Variants in GEMIN2 observed in about 807,000 individuals in gnomAD.
The protein encoded by GEMIN2 is gem nuclear organelle associated protein 2, also known as gem-associated protein 2.
A neutral mutation model predicts 45.8 loss-of-function variants in GEMIN2; 37 were observed. The observed-to-expected ratio is 0.81, with a 90% confidence interval of 0.62 to 1.06. The LOEUF (loss-of-function observed/expected upper bound fraction) is 1.06, where lower values mean the gene tolerates loss of function less well. Among genes scored for constraint, GEMIN2 ranks in the 50% least tolerant of loss-of-function variants. GEMIN2 has a pLI of 0.00. For missense variants in GEMIN2, 335 were observed against 321.8 expected, an observed-to-expected ratio of 1.04 and a Z score of -0.31; for synonymous variants, 101 against 111.5, an observed-to-expected ratio of 0.91 and a Z score of 0.60.
Position 39,118,591 on chromosome 14 carries a change from G to A in GEMIN2, c.364G>A (p.Val122Met). ...GAAATCACAACAGTTGGATAGTAAT[G>A]TGACAATGGTATGTAAGTTTCTCAG... ...HWKSQQLDSN[V>M]TMPKSEDEEG... is the part of the protein sequence containing the mutation. The change falls in exon 4 of 10, where the codon GTG becomes ATG. Residue 122 changes from valine to methionine, a missense_variant. Transcript: ENST00000308317. The A allele has an allele frequency of 7.1e-7, 1 of 1,417,578 alleles. No homozygotes were observed. The highest frequency in any genetic ancestry group is 2.3e-5 in the East Asian group (1 of 43,942). The allele number at this position is 1,417,578 out of a possible 1,614,324, so 87.8% of individuals were successfully genotyped here.
Position 39,118,537 on chromosome 14 carries a change from TAG to T in GEMIN2, c.313-1_313del. On this transcript the variant is annotated splice_acceptor_variant, in intron 3 of 9. Coordinates refer to ENST00000308317, the MANE Select transcript of GEMIN2 (RefSeq NM_003616.3). LOFTEE classifies it high-confidence loss of function. ...ATCTAATGTCTAAGTTTTCTTCCTT[TAG>T]AATGTGAACAAACATAGAAGTCACT... 7.2e-7 allele frequency: 1 copy of T among 1,384,634 alleles called. No homozygotes were observed. Among genetic ancestry groups the T allele is most frequent in the Non-Finnish European group, 1.0e-6 (1 of 971,476 alleles). The allele number at this position is 1,384,634 out of a possible 1,614,324, so 85.8% of individuals were successfully genotyped here.
chr14:39,119,407 C>T (rs1309866141), intron 4 of GEMIN2, among the ~76,000 whole-genome samples: 1 of 152,118 alleles, frequency 6.6e-6, no homozygotes, highest in Non-Finnish European at 1.5e-5. Flanking sequence ...TTAGATATAA[C>T]TTTAAGCCCT....
intron 9 of GEMIN2, among the ~76,000 whole-genome samples, chr14:39,134,964 TTG>T (rs1410160098): frequency 2.6e-5 from 4 of 152,044 alleles, no homozygotes; most frequent in Admixed American, 6.6e-5. Flanking sequence ...TAGATCAGAG[TTG>T]TGTTTTTGTT....
chr14:39,135,603 AG>A (rs2052772289), intron 9 of GEMIN2, among the ~76,000 whole-genome samples: 1 of 151,776 alleles, frequency 6.6e-6, no homozygotes, highest in Non-Finnish European at 1.5e-5. Flanking sequence ...AAAAGAAAAA[AG>A]AAAAAAAAAA....
intron 2 of GEMIN2, among the ~76,000 whole-genome samples, chr14:39,116,113 A>T (rs1416256839): frequency 6.7e-6 from 1 of 149,780 alleles, no homozygotes; most frequent in Non-Finnish European, 1.5e-5. Context: ...TCAGCTCATC[A>T]CAACCTCTGC....
intron 7 of GEMIN2, among the ~76,000 whole-genome samples, chr14:39,129,704 C>T (rs1488629880): frequency 6.6e-6 from 1 of 151,878 alleles, no homozygotes; most frequent in African/African-American, 2.4e-5. Flanking sequence ...TGAGCCACTG[C>T]ACCCAGCCAG....
chr14:39,134,510 C>T (rs1235906652), intron 9 of GEMIN2: 1 of 152,144 alleles, frequency 6.6e-6, no homozygotes, highest in Admixed American at 6.6e-5. Flanking sequence ...ATTTCATTGC[C>T]AGTACCTTTT....
At chr14:39,119,141 A>C (rs561115015) in intron 4 of GEMIN2, among the ~76,000 whole-genome samples, 1 of 152,168 alleles carries the variant, frequency 6.6e-6, no homozygotes, top group Non-Finnish European at 1.5e-5. Context: ...AACTTCCACA[A>C]GTTTTTAAGG....
At chr14:39,120,336 C>T (rs563137845) in intron 4 of GEMIN2, among the ~76,000 whole-genome samples, 3 of 152,174 alleles carry the variant, frequency 2.0e-5, no homozygotes, top group South Asian at 2.1e-4. Flanking sequence ...CTCAGGAGTT[C>T]GAGACCAGCC....
chr14:39,123,706 A>ATTT (rs1566532871), intron 5 of GEMIN2, among the ~76,000 whole-genome samples: 14 of 43,976 alleles, frequency 3.2e-4, no homozygotes, highest in African/African-American at 1.3e-3. Context: ...ATATATATAT[A>ATTT]TATTTTTTTT....
At chr14:39,120,686 G>A (rs2052563298) in intron 4 of GEMIN2, among the ~76,000 whole-genome samples, 1 of 152,022 alleles carries the variant, frequency 6.6e-6, no homozygotes, top group African/African-American at 2.4e-5. Context: ...GGAGTGCAGT[G>A]GCACAATCTT....
chr14:39,133,569 T>C, intron 8 of GEMIN2, 92 bp from the exon 9 acceptor site: 1 of 626,948 alleles, frequency 1.6e-6, no homozygotes, highest in Non-Finnish European at 2.6e-6. Flanking sequence ...ATAATAAAGT[T>C]TTCATGTTTC....
At chr14:39,136,415 AAATT>A (rs2052781829) in intron 9 of GEMIN2, 21 bp from the exon 10 acceptor site, 1 of 1,227,296 alleles carries the variant, frequency 8.1e-7, no homozygotes, top group Non-Finnish European at 1.2e-6. Context: ...CTTTATACAT[AAATT>A]TTTTGTTTTT....
At chr14:39,127,056 G>A (rs375658686) in intron 6 of GEMIN2, among the ~76,000 whole-genome samples, 2 of 150,110 alleles carry the variant, frequency 1.3e-5, no homozygotes, top group South Asian at 2.1e-4. Context: ...AGCCCACCGC[G>A]CCTGGCCAAC....
At chr14:39,122,799 T>TA (rs1228198906) in intron 5 of GEMIN2, 2 of 303,156 alleles carry the variant, frequency 6.6e-6, no homozygotes, top group East Asian at 1.1e-4. Context: ...AACCCAGACT[T>TA]AGTTTATTAG....
intron 7 of GEMIN2, 50 bp from the exon 8 acceptor site, chr14:39,131,908 C>A: frequency 1.2e-6 from 1 of 859,484 alleles, no homozygotes; most frequent in Non-Finnish European, 2.0e-6. Context: ...AAAAAATAAA[C>A]TTCTGGTTCA....
intron 6 of GEMIN2, among the ~76,000 whole-genome samples, chr14:39,127,364 A>G (rs2052658000): frequency 1.2e-5 from 1 of 82,340 alleles, no homozygotes; most frequent in African/African-American, 4.7e-5. Flanking sequence ...TTTTTTTGAG[A>G]CAGAGTCTCA....
chr14:39,128,584 C>T (rs61999434), intron 7 of GEMIN2, among the ~76,000 whole-genome samples: 19,839 of 149,996 alleles, frequency 0.13, 1,375 homozygotes, highest in Middle Eastern at 0.17. Flanking sequence ...TTGATCTCCC[C>T]AGCTCAAGCA....
chr14:39,126,010 ACT>A (rs1215891131), intron 6 of GEMIN2, among the ~76,000 whole-genome samples: 3 of 149,458 alleles, frequency 2.0e-5, no homozygotes, highest in Non-Finnish European at 3.0e-5. Flanking sequence ...ACAGGGCGAG[ACT>A]CTGTCTCAAA....
Sources: gnomAD v4.1 joint callset for allele counts (sites outside exome capture counted in the v4.1 genomes callset) on GRCh38, gnomAD v4.1.1 for gene constraint, MANE v1.5 for transcripts, NCBI Gene and HGNC (gene_info 2026-07-23, HGNC 2026-07-21) for gene names.